The following BCAS2 variants were observed in gnomAD, a reference collection of about 807,000 sequenced individuals.
BCAS2 encodes pre-mRNA-splicing factor SPF27.
BCAS2 carries 34 observed loss-of-function variants against 35.3 expected under a neutral mutation model. That is an observed-to-expected ratio of 0.96 (90% CI 0.73 to 1.28). BCAS2 has a LOEUF of 1.28. BCAS2 is among the 50% of genes most tolerant of loss of function. The pLI, the probability that BCAS2 is intolerant of heterozygous loss-of-function variation, is 0.00. For missense variants in BCAS2, 221 were observed against 268.1 expected (o/e 0.82, Z 1.23); for synonymous variants, 75 against 91.6 (o/e 0.82, Z 1.03).
intron 6 of BCAS2, among the ~76,000 whole-genome samples, chr1:114,569,257 G>A (rs1654592665): frequency 6.6e-6 from 1 of 151,922 alleles, no homozygotes; most frequent in South Asian, 2.1e-4. Flanking sequence ...GCGTGAAAGG[G>A]TACCAACGAG....
At chr1:114,572,563 T>C (rs1177684262) in intron 4 of BCAS2, among the ~76,000 whole-genome samples, 1 of 152,154 alleles carries the variant, frequency 6.6e-6, no homozygotes, top group Non-Finnish European at 1.5e-5. Context: ...GGAAAACAAG[T>C]GATGTGCACA....
chr1:114,570,268 T>TCACACACACACACACA (rs61232118), intron 5 of BCAS2, among the ~76,000 whole-genome samples, 196 bp from the exon 6 acceptor site: 2 of 150,630 alleles, frequency 1.3e-5, no homozygotes, highest in Non-Finnish European at 3.0e-5. Flanking sequence ...TTGTGAGAAA[T>TCACACACACACACACA]CACACACACA....
chr1:114,571,217 G>C (rs1654633029), intron 4 of BCAS2, among the ~76,000 whole-genome samples: 2 of 151,858 alleles, frequency 1.3e-5, no homozygotes, highest in African/African-American at 4.8e-5. Context: ...GCCATGCCTT[G>C]CTAATTTTTG....
At chr1:114,576,435 TTA>T (rs1654769120) in intron 3 of BCAS2, among the ~76,000 whole-genome samples, 5 of 114,930 alleles carry the variant, frequency 4.4e-5, no homozygotes, top group Admixed American at 9.9e-5. Flanking sequence ...GGTACGTTTA[TTA>T]TTATTATTAT....
chr1:114,573,183 T>A (rs2101627702), intron 4 of BCAS2, among the ~76,000 whole-genome samples: 2 of 144,710 alleles, frequency 1.4e-5, no homozygotes, highest in South Asian at 4.3e-4. Context: ...AATAGGGAAT[T>A]ATTAAAGGTT....
chr1:114,576,243 C>CTATATA (rs1230082433), intron 3 of BCAS2, among the ~76,000 whole-genome samples: 13 of 145,108 alleles, frequency 9.0e-5, no homozygotes, highest in Non-Finnish European at 1.5e-4. Flanking sequence ...CTCTCTCTCT[C>CTATATA]TCTCTATATA....
At chr1:114,572,085 C>T (rs1654660918) in intron 4 of BCAS2, among the ~76,000 whole-genome samples, 1 of 152,166 alleles carries the variant, frequency 6.6e-6, no homozygotes, top group African/African-American at 2.4e-5. Flanking sequence ...CCTACAGGGT[C>T]CATTTTTACC....
Position 114,575,719 on chromosome 1 carries a change from T to C in BCAS2, c.290A>G (p.Lys97Arg), listed in dbSNP as rs1248071721. The C allele has an allele frequency of 1.2e-6, 2 of 1,613,172 alleles. No individual in the cohort carries two copies. Among genetic ancestry groups the C allele is most frequent in the South Asian group, 2.2e-5 (2 of 90,710 alleles). Residue 97 changes from lysine to arginine, a missense_variant, in exon 4 of 7, where the codon AAA becomes AGA. By Grantham distance (26) the Lys-to-Arg change is conservative (BLOSUM62 2). Coordinates refer to ENST00000369541, the MANE Select transcript of BCAS2 (RefSeq NM_005872.3). ...YELPAPSSGQ[K>R]NDITAWQECV... The stretch of plus-strand genomic sequence containing the variant: ...TTCTTGCCATGCAGTAATGTCATTT[T>C]TTTGACCAGAGGAGGGGGCTGGAAG...
chr1:114,574,974 A>G (rs1359990984), intron 4 of BCAS2, among the ~76,000 whole-genome samples: 1 of 151,004 alleles, frequency 6.6e-6, no homozygotes, highest in African/African-American at 2.4e-5. Context: ...GGTTCAAGCA[A>G]TTCTCCTACC....
At chr1:114,571,767 A>G (rs554116670) in intron 4 of BCAS2, among the ~76,000 whole-genome samples, 1 of 152,158 alleles carries the variant, frequency 6.6e-6, no homozygotes, top group Non-Finnish European at 1.5e-5. Flanking sequence ...CTGCATATAC[A>G]TTCACCTTGT....
intron 2 of BCAS2, among the ~76,000 whole-genome samples, chr1:114,577,974 C>G (rs899845111): frequency 2.0e-5 from 3 of 152,114 alleles, no homozygotes; most frequent in African/African-American, 7.2e-5. Context: ...GGGTGGATCA[C>G]GAGGTCAAGA....
intron 2 of BCAS2, among the ~76,000 whole-genome samples, chr1:114,578,694 T>C (rs1356141213): frequency 6.6e-6 from 1 of 152,190 alleles, no homozygotes; most frequent in Non-Finnish European, 1.5e-5. Context: ...GATCTATTTA[T>C]TGTCTGTCTC....
chr1:114,570,803 A>G, intron 4 of BCAS2, 53 bp from the exon 5 acceptor site: 1 of 1,297,026 alleles, frequency 7.7e-7, no homozygotes, highest in East Asian at 2.4e-5. Flanking sequence ...GTACCAATTA[A>G]AAGTGAACTT....
chr1:114,568,575 C>G (rs1232992893), intron 6 of BCAS2, among the ~76,000 whole-genome samples: 1 of 151,830 alleles, frequency 6.6e-6, no homozygotes, highest in Admixed American at 6.6e-5. Flanking sequence ...CCACGTTGGC[C>G]AGGCTGGTCT....
chr1:114,580,701 T>A (rs938324188), intron 2 of BCAS2, among the ~76,000 whole-genome samples: 3 of 152,184 alleles, frequency 2.0e-5, no homozygotes, highest in African/African-American at 7.2e-5. Context: ...AGAAACCCCA[T>A]ATATCTCTAT....
intron 4 of BCAS2, 26 bp downstream of exon 4, chr1:114,575,564 C>G: frequency 6.4e-7 from 1 of 1,560,348 alleles, no homozygotes; most frequent in Non-Finnish European, 8.6e-7. Flanking sequence ...ACAAAAAAAA[C>G]AGAAGATGAA....
chr1:114,569,279 G>A (rs1654593113), intron 6 of BCAS2, among the ~76,000 whole-genome samples: 1 of 151,852 alleles, frequency 6.6e-6, no homozygotes, highest in Non-Finnish European at 1.5e-5. Context: ...CTGGTAAGAC[G>A]TACATGGAGA....
Position 114,568,183 on chromosome 1 carries a change from T to G in BCAS2, c.625A>C (p.Ile209Leu), listed in dbSNP as rs374148047. The change falls in exon 7 of 7, where the codon ATT (isoleucine) becomes CTT (leucine). Residue 209 changes from isoleucine to leucine, a missense_variant. Physicochemically the swap from Ile to Leu is conservative, Grantham distance 5. Transcript: ENST00000369541. The stretch of plus-strand genomic sequence containing the variant: ...TTTGCCTCTCCATGTTGCTGCTTAA[T>G]TTGATAGATTTCATTTTCTAGCTGA... Reference protein sequence around the residue: ...IVQLENEIYQIKQQHGEANKE... With the variant: ...IVQLENEIYQLKQQHGEANKE... 2 of 1,613,764 alleles carry G rather than the reference T, an allele frequency of 1.2e-6. No individual in the cohort carries two copies. Among genetic ancestry groups the G allele is most frequent in the African/African-American group, 2.7e-5 (2 of 74,932 alleles).
chr1:114,568,367 A>AT, intron 6 of BCAS2, 111 bp from the exon 7 acceptor site: 1 of 899,770 alleles, frequency 1.1e-6, no homozygotes, highest in African/African-American at 1.9e-5. Context: ...ACTAACCTTC[A>AT]CTTTTTTTTT....
Sources: gnomAD v4.1 joint callset for allele counts (sites outside exome capture counted in the v4.1 genomes callset) on GRCh38, gnomAD v4.1.1 for gene constraint, MANE v1.5 for transcripts, NCBI Gene and HGNC (gene_info 2026-07-23, HGNC 2026-07-21) for gene names.